The following TRIM24 variants were observed in gnomAD, a reference collection of about 807,000 sequenced individuals.
TRIM24 encodes the protein tripartite motif containing 24, also known as transcription intermediary factor 1-alpha.
A neutral mutation model predicts 123.9 loss-of-function variants in TRIM24; 29 were observed. That is an observed-to-expected ratio of 0.23 (90% CI 0.17 to 0.32). The LOEUF is 0.32. Among genes scored for constraint, TRIM24 ranks in the 10% least tolerant of loss-of-function variants. TRIM24 has a pLI of 1.00. For synonymous variants in TRIM24, 456 were observed against 461.1 expected (o/e 0.99, Z 0.14); for missense variants, 932 against 1,295.3 (o/e 0.72, Z 4.31).
At chr7:138,503,127 A>G (rs1477187004) in intron 1 of TRIM24, among the ~76,000 whole-genome samples, 1 of 146,832 alleles carries the variant, frequency 6.8e-6, no homozygotes. Flanking sequence ...CATCTGATAT[A>G]TATAAAGTGT....
At chr7:138,467,352 T>TAGTTG (rs1795165900) in intron 1 of TRIM24, among the ~76,000 whole-genome samples, 1 of 151,806 alleles carries the variant, frequency 6.6e-6, no homozygotes, top group South Asian at 2.1e-4. Context: ...TTGTTTTGTT[T>TAGTTG]TGTTTTTTTG....
At chr7:138,517,436 T>C (rs374380582) in intron 3 of TRIM24, among the ~76,000 whole-genome samples, 8 of 152,216 alleles carry the variant, frequency 5.3e-5, no homozygotes, top group African/African-American at 1.9e-4. Context: ...AGTGGTGCGA[T>C]CTCAGCTCAC....
chr7:138,567,006 T>C (rs1236437490), intron 9 of TRIM24, among the ~76,000 whole-genome samples: 1 of 152,226 alleles, frequency 6.6e-6, no homozygotes, highest in African/African-American at 2.4e-5. Context: ...TATAATAATA[T>C]TGCTAAGAAT....
chr7:138,483,660 G>A (rs920822972), intron 1 of TRIM24, among the ~76,000 whole-genome samples: 1 of 152,204 alleles, frequency 6.6e-6, no homozygotes, highest in African/African-American at 2.4e-5. Context: ...TAGTCACATA[G>A]ACTTGTATAG....
At chr7:138,538,602 T>C in intron 6 of TRIM24, 55 bp from the exon 7 acceptor site, 2 of 1,575,146 alleles carry the variant, frequency 1.3e-6, no homozygotes, top group Admixed American at 3.4e-5. Context: ...GAAATGACCA[T>C]CAAAGTCTAT....
At chr7:138,487,726 A>G (rs6467776) in intron 1 of TRIM24, among the ~76,000 whole-genome samples, 122,539 of 152,086 alleles carry the variant, frequency 0.81, 49,675 homozygotes, top group African/African-American at 0.85. Flanking sequence ...GCTTTTTGAT[A>G]TGCTGCCGGA....
Position 138,466,819 on chromosome 7 carries a change from A to G in TRIM24, c.364+5907A>G, listed in dbSNP as rs187432346. ...AATTTTGATTAAGTCTGGTTTATCA[A>G]TTTATTTTATGGTTAATGACTTTTG... On this transcript the variant is annotated intron_variant, in intron 1 of 18. Transcript: ENST00000343526. Among the ~76,000 whole-genome samples, 19 of 152,206 alleles carry G rather than the reference A, an allele frequency of 1.2e-4. No individual in the cohort carries two copies. In the East Asian group the frequency reaches 3.1e-3, roughly 25 times the overall value.
chr7:138,475,507 C>T (rs1470539795), intron 1 of TRIM24, among the ~76,000 whole-genome samples: 1 of 152,162 alleles, frequency 6.6e-6, no homozygotes, highest in Non-Finnish European at 1.5e-5. Flanking sequence ...CAAAATCCAA[C>T]TCTGTGGTTT....
Position 138,502,327 on chromosome 7 carries a change from C to G in TRIM24, c.365-1963C>G, listed in dbSNP as rs192569964. ...ACAACAATCCTGCCTCAGAGTTGTTCTAATGGAAGTGGAATATTGAGCACA... is the reference window on the plus strand; with the variant it reads ...ACAACAATCCTGCCTCAGAGTTGTTGTAATGGAAGTGGAATATTGAGCACA... On this transcript the variant is annotated intron_variant, in intron 1 of 18. Coordinates refer to ENST00000343526, the MANE Select transcript of TRIM24 (RefSeq NM_015905.3). Among the ~76,000 whole-genome samples the G allele has an allele frequency of 1.5e-3, 223 of 152,272 alleles. 1 individual carries two copies. The highest frequency in any genetic ancestry group is 2.1e-3 in the Non-Finnish European group (142 of 68,024).
chr7:138,534,124 T>C (rs900809095), intron 6 of TRIM24, among the ~76,000 whole-genome samples: 1 of 152,182 alleles, frequency 6.6e-6, no homozygotes, highest in Non-Finnish European at 1.5e-5. Flanking sequence ...TTATTAGTCT[T>C]GCTAGCGGTC....
At position 138,460,650 on chromosome 7, in the gene TRIM24, G is replaced by A. The variant is rs1179824538; in HGVS notation, c.102G>A (p.Glu34=). 2 of 1,478,650 alleles carry A rather than the reference G, an allele frequency of 1.4e-6. No homozygotes were observed. The highest frequency in any genetic ancestry group is 1.8e-6 in the Non-Finnish European group (2 of 1,118,526). The allele number at this position is 1,478,650 out of a possible 1,614,324, so 91.6% of individuals were successfully genotyped here. A position where few individuals can be genotyped will look rare whatever the true frequency, so the allele number is the denominator to read the frequency against. Residue 34 remains glutamate, a synonymous_variant, in exon 1 of 19, where the codon GAG becomes GAA. Coordinates refer to ENST00000343526, the MANE Select transcript of TRIM24 (RefSeq NM_015905.3). ...SAAPSGENEA[E]SRQGPDSERG... is the part of the protein sequence containing the mutation. ...CGCCGAGCGGGGAGAACGAGGCCGA[G>A]AGTCGGCAGGGCCCGGACTCGGAGC... is the stretch of plus-strand genomic sequence containing the variant.
chr7:138,566,445 G>T (rs1354257745), intron 9 of TRIM24, among the ~76,000 whole-genome samples: 1 of 152,100 alleles, frequency 6.6e-6, no homozygotes, highest in African/African-American at 2.4e-5. Flanking sequence ...GAACCCAGGA[G>T]GCAGAGGTTG....
rs1163191796 is a variant in TRIM24, at chr7:138,460,786, C to T, written c.238C>T (p.Arg80Cys). The change falls in exon 1 of 19, where the codon CGC (arginine) becomes TGC (cysteine). Residue 80 changes from arginine to cysteine, a missense_variant. By Grantham distance (180) the Arg-to-Cys change is radical. Transcript: ENST00000343526. ...LLPCLHSFCQ[R>C]CLPAPQRYLM... ...GCCCTGCCTGCACTCTTTCTGCCAG[C>T]GCTGCCTGCCCGCGCCCCAGCGCTA... 6.3e-7 allele frequency: 1 copy of T among 1,583,892 alleles called. No individual in the cohort carries two copies. Among genetic ancestry groups the T allele is most frequent in the South Asian group, 1.1e-5 (1 of 88,110 alleles).
intron 2 of TRIM24, among the ~76,000 whole-genome samples, chr7:138,511,116 G>C (rs1417812867): frequency 6.6e-6 from 1 of 152,150 alleles, no homozygotes. Flanking sequence ...AAAGAAAAGA[G>C]GTTTAATTGG....
At chr7:138,552,568 G>A (rs1797234063) in intron 8 of TRIM24, among the ~76,000 whole-genome samples, 1 of 151,994 alleles carries the variant, frequency 6.6e-6, no homozygotes, top group Non-Finnish European at 1.5e-5. Context: ...GGGGTTGGGG[G>A]GTGCTCGTTG....
chr7:138,484,575 CT>C (rs573755609), intron 1 of TRIM24, among the ~76,000 whole-genome samples: 25 of 152,026 alleles, frequency 1.6e-4, no homozygotes, highest in Non-Finnish European at 3.4e-4. Flanking sequence ...TTTTCACATG[CT>C]GTAGGATTTG....
intron 1 of TRIM24, among the ~76,000 whole-genome samples, chr7:138,499,522 C>T (rs963230022): frequency 1.2e-4 from 18 of 152,144 alleles, no homozygotes; most frequent in Non-Finnish European, 1.9e-4. Context: ...GTCTGTGGAT[C>T]GCAGCTAAGG....
At chr7:138,575,062 T>A (rs190704036) in intron 12 of TRIM24, among the ~76,000 whole-genome samples, 1 of 152,246 alleles carries the variant, frequency 6.6e-6, no homozygotes, top group East Asian at 1.9e-4. Context: ...CAGACAATGC[T>A]TATGTAGAGT....
intron 4 of TRIM24, among the ~76,000 whole-genome samples, chr7:138,520,166 G>C (rs987597199): frequency 6.6e-6 from 1 of 152,222 alleles, no homozygotes; most frequent in Non-Finnish European, 1.5e-5. Context: ...GAGTAATTTT[G>C]ATAGGCTCAC....
Sources: gnomAD v4.1 joint callset for allele counts (sites outside exome capture counted in the v4.1 genomes callset) on GRCh38, gnomAD v4.1.1 for gene constraint, MANE v1.5 for transcripts, NCBI Gene and HGNC (gene_info 2026-07-23, HGNC 2026-07-21) for gene names.